Variants in SNTG1 observed in about 807,000 individuals in gnomAD.
SNTG1 encodes syntrophin gamma 1.
A neutral mutation model predicts 74.7 loss-of-function variants in SNTG1; 39 were observed. That is an observed-to-expected ratio of 0.52 (90% CI 0.40 to 0.68). The LOEUF is 0.68. SNTG1 is among the 30% of genes least tolerant of loss of function. The pLI is 0.00. For missense variants in SNTG1, 685 were observed against 609.5 expected (o/e 1.12, Z -1.30); for synonymous variants, 254 against 217.1 (o/e 1.17, Z -1.49).
chr8:50,120,962 A>G lies in SNTG1; in HGVS notation c.-102-51599A>G, dbSNP rs2080978550. Reference sequence around the variant, plus strand: ...TAACTTCGCATAAACGTATCGTAGGACAATCTGACTTATAGGAAACACTGA... The same window carrying G: ...TAACTTCGCATAAACGTATCGTAGGGCAATCTGACTTATAGGAAACACTGA... On this transcript the variant is annotated intron_variant, in intron 1 of 18. Coordinates refer to ENST00000642720, the MANE Select transcript of SNTG1 (RefSeq NM_018967.5). Among the ~76,000 whole-genome samples, 2 of 141,858 alleles carry G rather than the reference A, an allele frequency of 1.4e-5. 1 individual carries two copies. The highest frequency in any genetic ancestry group is 5.1e-5 in the African/African-American group (2 of 39,202). 93.1% of individuals were successfully genotyped at this position (141,858 alleles called of 152,430 possible).
chr8:50,653,568 C>T (rs762918471), intron 13 of SNTG1, among the ~76,000 whole-genome samples: 4 of 152,144 alleles, frequency 2.6e-5, no homozygotes, highest in Non-Finnish European at 5.9e-5. Context: ...TCTTTTTAAT[C>T]TCCTTTGCTT....
intron 1 of SNTG1, among the ~76,000 whole-genome samples, chr8:50,010,502 T>C (rs1393403778): frequency 1.3e-4 from 20 of 152,104 alleles, no homozygotes. Context: ...AAACAAAATC[T>C]GAATGTATGA....
intron 8 of SNTG1, chr8:50,457,851 A>G (rs896813862): frequency 2.6e-5 from 4 of 152,258 alleles, no homozygotes; most frequent in Admixed American, 6.5e-5. Flanking sequence ...AGGCACTGCC[A>G]TAAGTACAGC....
chr8:50,295,832 A>T (rs1367510307), intron 2 of SNTG1, among the ~76,000 whole-genome samples: 1 of 152,186 alleles, frequency 6.6e-6, no homozygotes, highest in Non-Finnish European at 1.5e-5. Flanking sequence ...AGTGCTAAAG[A>T]CAAGGATATC....
chr8:50,071,192 A>G (rs1821331961), intron 1 of SNTG1, among the ~76,000 whole-genome samples: 2 of 152,152 alleles, frequency 1.3e-5, no homozygotes, highest in African/African-American at 4.8e-5. Context: ...CATCACATAT[A>G]CATGAACTTA....
intron 18 of SNTG1, among the ~76,000 whole-genome samples, chr8:50,769,016 C>T (rs2095620616): frequency 6.6e-6 from 1 of 151,894 alleles, no homozygotes; most frequent in South Asian, 2.1e-4. Context: ...ATTTTAAACT[C>T]CTGGGAATCA....
chr8:50,343,609 C>G (rs900541720), intron 2 of SNTG1, among the ~76,000 whole-genome samples: 1 of 151,908 alleles, frequency 6.6e-6, no homozygotes, highest in African/African-American at 2.4e-5. Context: ...AAATAGCAAG[C>G]TATTAGATTT....
chr8:50,027,545 G>T (rs950781130), intron 1 of SNTG1, among the ~76,000 whole-genome samples: 4 of 152,142 alleles, frequency 2.6e-5, no homozygotes, highest in Admixed American at 2.6e-4. Context: ...GCCATATGAC[G>T]ACAGAGGCAG....
In SNTG1 at chr8:49,990,158, T is replaced by C. The variant is rs149659705; in HGVS notation, c.-103+77927T>C. Among the ~76,000 whole-genome samples, 36 of 152,054 alleles carry C rather than the reference T, an allele frequency of 2.4e-4. 1 individual carries two copies. The East Asian group carries it at 6.9e-3, about 29-fold the overall frequency. ...AAATACAACTGTCTCTATTTAGAAATCATATGATCTTGTACATAGAAAATC... is the reference window on the plus strand; with the variant it reads ...AAATACAACTGTCTCTATTTAGAAACCATATGATCTTGTACATAGAAAATC... On this transcript the variant is annotated intron_variant, in intron 1 of 18. Coordinates refer to ENST00000642720, the MANE Select transcript of SNTG1 (RefSeq NM_018967.5).
At chr8:50,327,645 T>C (rs530008583) in intron 2 of SNTG1, among the ~76,000 whole-genome samples, 2 of 152,296 alleles carry the variant, frequency 1.3e-5, no homozygotes, top group South Asian at 4.1e-4. Flanking sequence ...GTTTAGACCA[T>C]TGACATTATA....
intron 13 of SNTG1, among the ~76,000 whole-genome samples, chr8:50,632,129 C>T (rs947458447): frequency 6.6e-6 from 1 of 151,826 alleles, no homozygotes; most frequent in Non-Finnish European, 1.5e-5. Flanking sequence ...CACTAAAGGG[C>T]AAAACAGGTC....
chr8:49,986,821 T>C lies in SNTG1; in HGVS notation c.-103+74590T>C, dbSNP rs1487679979. 6.6e-5 allele frequency among the ~76,000 whole-genome samples: 10 copies of C among 152,074 alleles called. No individual in the cohort carries two copies. The East Asian group carries it at 1.9e-3, about 29-fold the overall frequency. On this transcript the variant is annotated intron_variant, in intron 1 of 18. Transcript: ENST00000642720. ...ACATGAACCCAGGAAGTCAAGGCCATGATCGTGCCACTGCACTCCACTTGG... is the reference window on the plus strand; with the variant it reads ...ACATGAACCCAGGAAGTCAAGGCCACGATCGTGCCACTGCACTCCACTTGG...
intron 1 of SNTG1, among the ~76,000 whole-genome samples, chr8:50,005,955 CTTTTTTTTTTTT>C (rs57041850): frequency 2.2e-5 from 2 of 89,376 alleles, no homozygotes; most frequent in East Asian, 3.2e-4. Flanking sequence ...ATTACTTGCA[CTTTTTTTTTTTT>C]TTTTTTTTTT....
chr8:50,481,070 T>C (rs1261403926), intron 8 of SNTG1, among the ~76,000 whole-genome samples: 1 of 152,178 alleles, frequency 6.6e-6, no homozygotes, highest in African/African-American at 2.4e-5. Flanking sequence ...CAGTAATAGT[T>C]TGAAGGCAAA....
At chr8:50,146,096 T>C (rs900554741) in intron 1 of SNTG1, among the ~76,000 whole-genome samples, 2 of 152,120 alleles carry the variant, frequency 1.3e-5, no homozygotes, top group East Asian at 3.9e-4. Flanking sequence ...CTATACTTAA[T>C]GTTATTTTGT....
chr8:50,578,414 T>A (rs572388987), intron 12 of SNTG1, among the ~76,000 whole-genome samples: 3 of 47,748 alleles, frequency 6.3e-5, no homozygotes. Flanking sequence ...AGTGAGAGGA[T>A]GAGAGAGAAA....
intron 2 of SNTG1, among the ~76,000 whole-genome samples, chr8:50,366,714 T>C (rs2092121134): frequency 6.8e-6 from 1 of 146,772 alleles, no homozygotes; most frequent in South Asian, 2.1e-4. Flanking sequence ...TATAATATAC[T>C]TACTATTTGC....
intron 18 of SNTG1, 117 bp from the exon 19 acceptor site, chr8:50,792,554 T>G: frequency 9.4e-7 from 1 of 1,061,844 alleles, no homozygotes; most frequent in Non-Finnish European, 1.3e-6. Context: ...AGTTTCCACA[T>G]GTTACATATC....
chr8:50,402,897 T>G (rs2092824930), intron 4 of SNTG1, among the ~76,000 whole-genome samples: 1 of 152,204 alleles, frequency 6.6e-6, no homozygotes, highest in Admixed American at 6.5e-5. Flanking sequence ...ATTGACACAT[T>G]ACACTGCTCC....
Sources: gnomAD v4.1 joint callset for allele counts (sites outside exome capture counted in the v4.1 genomes callset) on GRCh38, gnomAD v4.1.1 for gene constraint, MANE v1.5 for transcripts, NCBI Gene and HGNC (gene_info 2026-07-23, HGNC 2026-07-21) for gene names.